The following NYAP1 variants were observed in gnomAD, a reference collection of about 807,000 sequenced individuals.
NYAP1 encodes neuronal tyrosine-phosphorylated phosphoinositide-3-kinase adapter 1.
In NYAP1, 20 loss-of-function variants were observed where a neutral mutation model predicts 58.6. That is an observed-to-expected ratio of 0.34 (90% CI 0.24 to 0.50). The LOEUF is 0.50. NYAP1 is among the 20% of genes least tolerant of loss of function. The pLI is 0.98. For missense variants in NYAP1, 1,150 were observed against 1,194.5 expected (o/e 0.96, Z 0.55); for synonymous variants, 572 against 523.1 (o/e 1.09, Z -1.27).
rs77668039 is a variant in NYAP1, at chr7:100,486,785, C to A, written c.69-36C>A. On this transcript the variant is annotated intron_variant, in intron 2 of 6. Transcript: ENST00000300179. This position sits in a 1 kb window ranked among gnomAD's most constrained non-coding sequence, Gnocchi z 6.2. ...AGAAGGGGGATGCCCAGGTCCGAGG[C>A]CCTTCCTCCACTCCATCGTGGCCTT... 6,234 of 1,431,072 alleles carry A rather than the reference C, an allele frequency of 4.4e-3. 261 individuals carry two copies. The African/African-American group carries it at 0.08, about 18-fold the overall frequency. 88.6% of individuals were successfully genotyped at this position (1,431,072 alleles called of 1,614,324 possible).
At chr7:100,491,903 C>T (rs1433540289) in intron 6 of NYAP1, among the ~76,000 whole-genome samples, 3 of 152,094 alleles carry the variant, frequency 2.0e-5, no homozygotes, top group African/African-American at 4.8e-5. Flanking sequence ...AAAAATTAGC[C>T]GGGCGTGGTA....
Position 100,489,042 on chromosome 7 carries a change from G to C in NYAP1, c.1321G>C (p.Ala441Pro). The change falls in exon 4 of 7, where the codon GCC becomes CCC. Residue 441 changes from alanine to proline, a missense_variant. Transcript: ENST00000300179. The part of the protein sequence containing the change: ...ICPKAAGAPA[A>P]PPAPAALLPG... Reference sequence around the variant, plus strand: ...CCCTAAGGCGGCGGGGGCGCCGGCAGCCCCCCCTGCCCCGGCCGCCTTGCT... The same window carrying C: ...CCCTAAGGCGGCGGGGGCGCCGGCACCCCCCCCTGCCCCGGCCGCCTTGCT... 1.9e-6 allele frequency: 3 copies of C among 1,540,498 alleles called. No homozygotes were observed. The highest frequency in any genetic ancestry group is 2.6e-6 in the Non-Finnish European group (3 of 1,147,136).
In NYAP1 at chr7:100,488,979, G is replaced by A. The variant is rs763156887; in HGVS notation, c.1258G>A (p.Gly420Arg). The A allele has an allele frequency of 5.1e-6, 8 of 1,576,698 alleles. No homozygotes were observed. Among genetic ancestry groups the A allele is most frequent in the African/African-American group, 1.4e-5 (1 of 74,054 alleles). Residue 420 changes from glycine (G) to arginine (R), a missense_variant, in exon 4 of 7, where the codon GGG becomes AGG. Coordinates refer to ENST00000300179, the MANE Select transcript of NYAP1 (RefSeq NM_173564.4). The surrounding 1 kb of genome is among the most constrained non-coding windows in gnomAD (Gnocchi z 5.9). ...ACCCCAGGGCTCTGGCCAGCCCCGG[G>A]GGGAGCGGGAGCTCCCCAACTCCCA... ...LPPQGSGQPR[G>R]ERELPNSHSM...
Position 100,494,189 on chromosome 7 carries a change from T to A in NYAP1, c.*286T>A. ...GCTGGGCGTTGTACACCCCTCCTCC[T>A]GAACCAAGCCAGAGGTCAGCATGGG... is the stretch of plus-strand genomic sequence containing the variant. On this transcript the variant is annotated 3_prime_UTR_variant, in exon 7 of 7. Transcript: ENST00000300179. 1 of 372,906 alleles carries A rather than the reference T, an allele frequency of 2.7e-6. No individual in the cohort carries two copies. Among genetic ancestry groups the A allele is most frequent in the Non-Finnish European group, 4.8e-6 (1 of 208,980 alleles). The allele number at this position is 372,906 out of a possible 1,614,324, so 23.1% of individuals were successfully genotyped here.
chr7:100,489,591 G>A lies in NYAP1; in HGVS notation c.1870G>A (p.Ala624Thr), dbSNP rs137910126. ...TPEEEEEEVG[A>T]ATFGAGWALQ... ...AGAGGAGGAAGAAGAGGAGGTGGGC[G>A]CCGCGACATTTGGGGCAGGCTGGGC... Residue 624 changes from alanine (A) to threonine (T), a missense_variant, in exon 4 of 7, where the codon GCC becomes ACC. Coordinates refer to ENST00000300179, the MANE Select transcript of NYAP1 (RefSeq NM_173564.4). The A allele has an allele frequency of 1.1e-5, 18 of 1,612,692 alleles. No individual in the cohort carries two copies. Among genetic ancestry groups the A allele is most frequent in the South Asian group, 9.9e-5 (9 of 91,056 alleles).
rs187378976 is a variant in NYAP1, at chr7:100,485,613, G to A, written c.68+234G>A. ...GGTTGTTCCCCATCCCCAGAGGCCC[G>A]AGTCACTCCTTCCTGACTCACCTCT... On this transcript the variant is annotated intron_variant, in intron 2 of 6. Transcript: ENST00000300179. The surrounding 1 kb of genome is among the most constrained non-coding windows in gnomAD (Gnocchi z 5.7). Among the ~76,000 whole-genome samples the A allele has an allele frequency of 5.3e-5, 8 of 152,284 alleles. No homozygotes were observed. The highest frequency in any genetic ancestry group is 6.5e-5 in the Admixed American group (1 of 15,302).
chr7:100,487,326 C>A lies in NYAP1; in HGVS notation c.430+144C>A. 2.2e-6 allele frequency: 2 copies of A among 906,904 alleles called. No individual in the cohort carries two copies. Among genetic ancestry groups the A allele is most frequent in the Non-Finnish European group, 3.1e-6 (2 of 645,796 alleles). 56.2% of individuals were successfully genotyped at this position (906,904 alleles called of 1,614,324 possible). ...CATTCTCAAAAGGAATTGGGGGGGTCCTTTTGGATGGGCCTGAGATGAACC... is the reference window on the plus strand; with the variant it reads ...CATTCTCAAAAGGAATTGGGGGGGTACTTTTGGATGGGCCTGAGATGAACC... On this transcript the variant is annotated intron_variant, in intron 3 of 6. Transcript: ENST00000300179. The surrounding 1 kb of genome is among the most constrained non-coding windows in gnomAD (Gnocchi z 4.1).
In NYAP1 at chr7:100,486,278, A is replaced by G. The variant is rs372921461; in HGVS notation, c.69-543A>G. Among the ~76,000 whole-genome samples, 19 of 151,832 alleles carry G rather than the reference A, an allele frequency of 1.3e-4. No individual in the cohort carries two copies. Among genetic ancestry groups the G allele is most frequent in the African/African-American group, 4.4e-4 (18 of 41,176 alleles). On this transcript the variant is annotated intron_variant, in intron 2 of 6. Transcript: ENST00000300179. This position sits in a 1 kb window ranked among gnomAD's most constrained non-coding sequence, Gnocchi z 6.2. ...GGGTGAGCCGGGGAGGCTGACAGAG[A>G]GAGAACAGCACCAGGGGAGAGGGAG...
Position 100,493,967 on chromosome 7 carries a change from G to GGA in NYAP1, c.*66_*67dup. The GGA allele has an allele frequency of 1.5e-6, 2 of 1,317,124 alleles. No homozygotes were observed. The highest frequency in any genetic ancestry group is 2.0e-6 in the Non-Finnish European group (2 of 1,006,540). 81.6% of individuals were successfully genotyped at this position (1,317,124 alleles called of 1,614,324 possible). ...GGGGCGGGCACGCCTGGCTCTCCCG[G>GGA]GAGCCTCGCCTTGAGAGACATTGAA... On this transcript the variant is annotated 3_prime_UTR_variant, in exon 7 of 7. Transcript: ENST00000300179.
In NYAP1 at chr7:100,494,247, G is replaced by C; in HGVS notation, c.*344G>C. 1 of 259,350 alleles carries C rather than the reference G, an allele frequency of 3.9e-6. No individual in the cohort carries two copies. Among genetic ancestry groups the C allele is most frequent in the Non-Finnish European group, 7.3e-6 (1 of 137,126 alleles). 16.1% of individuals were successfully genotyped at this position (259,350 alleles called of 1,614,324 possible). A position where few individuals can be genotyped will look rare whatever the true frequency, so the allele number is the denominator to read the frequency against. Reference sequence around the variant, plus strand: ...GGAAGGAAGGGATGGGAGGAAGAGGGGGGTGGGTGAGCTGAAAGAGAGGGA... The same window carrying C: ...GGAAGGAAGGGATGGGAGGAAGAGGCGGGTGGGTGAGCTGAAAGAGAGGGA... On this transcript the variant is annotated 3_prime_UTR_variant, in exon 7 of 7. Coordinates refer to ENST00000300179, the MANE Select transcript of NYAP1 (RefSeq NM_173564.4).
Position 100,493,869 on chromosome 7 carries a change from G to C in NYAP1, c.2492G>C (p.Arg831Pro), listed in dbSNP as rs953764770. 2 of 1,519,804 alleles carry C rather than the reference G, an allele frequency of 1.3e-6. No homozygotes were observed. Among genetic ancestry groups the C allele is most frequent in the Non-Finnish European group, 8.8e-7 (1 of 1,137,492 alleles). 94.1% of individuals were successfully genotyped at this position (1,519,804 alleles called of 1,614,324 possible). A position where few individuals can be genotyped will look rare whatever the true frequency, so the allele number is the denominator to read the frequency against. Reference protein sequence around the residue: ...PRKSGTPPCRRQHTVLWDTAI With the variant: ...PRKSGTPPCRPQHTVLWDTAI ...AAGTCCGGCACCCCGCCCTGCCGCCGGCAGCACACGGTCCTCTGGGACACC... is the reference window on the plus strand; with the variant it reads ...AAGTCCGGCACCCCGCCCTGCCGCCCGCAGCACACGGTCCTCTGGGACACC... Residue 831 changes from arginine (R) to proline (P), a missense_variant, in exon 7 of 7, where the codon CGG (arginine) becomes CCG (proline). Transcript: ENST00000300179.
At position 100,487,025 on chromosome 7, in the gene NYAP1, G is replaced by A. The variant is rs373386031; in HGVS notation, c.273G>A (p.Met91Ile). The change falls in exon 3 of 7, where the codon ATG (methionine) becomes ATA (isoleucine). Residue 91 changes from methionine to isoleucine, a missense_variant. Transcript: ENST00000300179. This position sits in a 1 kb window ranked among gnomAD's most constrained non-coding sequence, Gnocchi z 4.1. ...RSLSCHSVGS[M>I]DSVGGGPGGA... is the part of the protein sequence containing the mutation. ...TCTCCTGCCACTCGGTGGGCAGCAT[G>A]GACAGTGTCGGGGGTGGCCCTGGCG... The A allele has an allele frequency of 2.4e-5, 38 of 1,608,510 alleles. No individual in the cohort carries two copies. The highest frequency in any genetic ancestry group is 2.4e-4 in the Admixed American group (14 of 59,560).
rs760929236 is a variant in NYAP1 at position 100,488,132 on chromosome 7, C to G, written c.431-20C>G. The stretch of plus-strand genomic sequence containing the variant: ...CTCATTAAAAGCCTGGTTTATTTTT[C>G]TCTTTCTTGTCCTGTCCAGGCTCAC... On this transcript the variant is annotated intron_variant, in intron 3 of 6. Coordinates refer to ENST00000300179, the MANE Select transcript of NYAP1 (RefSeq NM_173564.4). The surrounding 1 kb of genome is among the most constrained non-coding windows in gnomAD (Gnocchi z 5.9). The G allele has an allele frequency of 6.5e-7, 1 of 1,534,540 alleles. No homozygotes were observed. Among genetic ancestry groups the G allele is most frequent in the South Asian group, 1.3e-5 (1 of 78,790 alleles).
chr7:100,484,814 G>A (rs1477256596), intron 1 of NYAP1, among the ~76,000 whole-genome samples: 2 of 152,074 alleles, frequency 1.3e-5, no homozygotes, highest in Non-Finnish European at 2.9e-5. Flanking sequence ...CTGTGTGCCT[G>A]TCTATCCCTA....
In NYAP1 at chr7:100,489,480, A is replaced by G; in HGVS notation, c.1759A>G (p.Lys587Glu). 6.2e-7 allele frequency: 1 copy of G among 1,613,204 alleles called. No homozygotes were observed. Among genetic ancestry groups the G allele is most frequent in the Non-Finnish European group, 8.5e-7 (1 of 1,179,932 alleles). The change falls in exon 4 of 7, where the codon AAG (lysine) becomes GAG (glutamate). Residue 587 changes from lysine to glutamate, a missense_variant. Lys to Glu is a moderately conservative substitution (Grantham distance 56, BLOSUM62 1). Transcript: ENST00000300179. The part of the protein sequence containing the change: ...CGVGAPSPMV[K>E]IQLQEQGTDG... ...TGTGGGGGCCCCATCCCCCATGGTCAAGATCCAGCTGCAGGAGCAAGGGAC... is the reference window on the plus strand; with the variant it reads ...TGTGGGGGCCCCATCCCCCATGGTCGAGATCCAGCTGCAGGAGCAAGGGAC...
rs1051196689 is a variant in NYAP1 at position 100,490,719 on chromosome 7, C to G, written c.2148C>G (p.His716Gln). 4 of 1,513,340 alleles carry G rather than the reference C, an allele frequency of 2.6e-6. No individual in the cohort carries two copies. The highest frequency in any genetic ancestry group is 2.7e-6 in the Non-Finnish European group (3 of 1,127,238). The allele number at this position is 1,513,340 out of a possible 1,614,324, so 93.7% of individuals were successfully genotyped here. A position where few individuals can be genotyped will look rare whatever the true frequency, so the allele number is the denominator to read the frequency against. ...PIPCQTFPAC[H>Q]RNGDFTGGYR... is the part of the protein sequence containing the mutation. ...CCTGCCAGACCTTCCCCGCCTGCCA[C>G]CGCAATGGAGGTGACGCGGCCTGCA... is the stretch of plus-strand genomic sequence containing the variant. The change falls in exon 5 of 7, where the codon CAC becomes CAG. Residue 716 changes from histidine (H) to glutamine (Q), a missense_variant. Physicochemically the swap from His to Gln is conservative, Grantham distance 24. Transcript: ENST00000300179. The surrounding 1 kb of genome is among the most constrained non-coding windows in gnomAD (Gnocchi z 4.6).
chr7:100,493,465 G>C (rs377203302), intron 6 of NYAP1, among the ~76,000 whole-genome samples, 181 bp from the exon 7 acceptor site: 1 of 152,242 alleles, frequency 6.6e-6, no homozygotes, highest in South Asian at 2.1e-4. Flanking sequence ...CCAAAGCTGC[G>C]CAAGTTGGAT....
At chr7:100,484,564 A>G (rs1799680121) in intron 1 of NYAP1, among the ~76,000 whole-genome samples, 1 of 151,998 alleles carries the variant, frequency 6.6e-6, no homozygotes, top group Non-Finnish European at 1.5e-5. Flanking sequence ...GATGGGTGGT[A>G]TTTTAGATAC....
At chr7:100,492,001 C>A (rs984028401) in intron 6 of NYAP1, among the ~76,000 whole-genome samples, 1 of 151,950 alleles carries the variant, frequency 6.6e-6, no homozygotes, top group Non-Finnish European at 1.5e-5. Flanking sequence ...AAGCCAAGAT[C>A]GCACCACTGC....
Sources: allele counts gnomAD v4.1 joint callset (sites outside exome capture counted in the v4.1 genomes callset), GRCh38; gene constraint gnomAD v4.1.1; non-coding constraint Gnocchi (gnomAD v3.1); transcripts MANE v1.5; gene names NCBI Gene and HGNC (gene_info 2026-07-23, HGNC 2026-07-21).